The following ADARB2 variants were observed in gnomAD, a reference collection of about 807,000 sequenced individuals.
ADARB2 encodes adenosine deaminase RNA specific B2 (inactive), also known as inactive double-stranded RNA-specific editase B2.
Under a neutral mutation model 62.2 loss-of-function variants are expected in ADARB2, and 25 were observed. The ratio of observed to expected loss-of-function variants is 0.40; its 90% CI spans 0.29 to 0.56. The LOEUF is 0.56. Ranked by LOEUF, ADARB2 falls within the 20% of genes least tolerant of loss-of-function variation. The pLI is 0.43. For missense variants in ADARB2, 1,071 were observed against 1,077.4 expected (o/e 0.99, Z 0.08); for synonymous variants, 572 against 500.8 (o/e 1.14, Z -1.90).
chr10:1,559,996 A>G (rs74121065), intron 1 of ADARB2, among the ~76,000 whole-genome samples: 37,348 of 152,092 alleles, frequency 0.25, 4,803 homozygotes, highest in African/African-American at 0.29. Flanking sequence ...CGTGGACGGC[A>G]GGTGAAAACT....
intron 1 of ADARB2, among the ~76,000 whole-genome samples, chr10:1,482,723 C>G (rs758034118): frequency 6.6e-6 from 1 of 152,164 alleles, no homozygotes; most frequent in Non-Finnish European, 1.5e-5. Flanking sequence ...AAAGCTGTCT[C>G]ACGATATTCT....
intron 7 of ADARB2, among the ~76,000 whole-genome samples, chr10:1,206,596 G>C (rs1336893430): frequency 1.3e-5 from 2 of 152,216 alleles, no homozygotes; most frequent in Non-Finnish European, 2.9e-5. Flanking sequence ...TGGTTCTGGG[G>C]ACAGAGGACA....
At chr10:1,722,740 A>G (rs558572885) in intron 1 of ADARB2, among the ~76,000 whole-genome samples, 17 of 152,326 alleles carry the variant, frequency 1.1e-4, no homozygotes, top group African/African-American at 4.1e-4. Context: ...GCTGTGATTA[A>G]TAATTATTTT....
At chr10:1,347,163 C>A (rs1282599410) in intron 3 of ADARB2, among the ~76,000 whole-genome samples, 1 of 152,242 alleles carries the variant, frequency 6.6e-6, no homozygotes, top group Admixed American at 6.5e-5. Context: ...CGCACGCCAG[C>A]CCTCAACGTG....
At chr10:1,599,615 C>T (rs1833382109) in intron 1 of ADARB2, among the ~76,000 whole-genome samples, 1 of 152,232 alleles carries the variant, frequency 6.6e-6, no homozygotes, top group Non-Finnish European at 1.5e-5. Context: ...ATGCAACCCT[C>T]CCAGTTGGAC....
chr10:1,583,894 G>A (rs1336711775), intron 1 of ADARB2, among the ~76,000 whole-genome samples: 1 of 152,188 alleles, frequency 6.6e-6, no homozygotes, highest in Non-Finnish European at 1.5e-5. Flanking sequence ...AGGGTTGATT[G>A]TTGACAGAGC....
chr10:1,453,454 G>A (rs552861066), intron 1 of ADARB2, among the ~76,000 whole-genome samples: 1 of 151,934 alleles, frequency 6.6e-6, no homozygotes, highest in Non-Finnish European at 1.5e-5. Context: ...GTAATGTAAG[G>A]GTTTAACGTC....
At chr10:1,584,948 G>C (rs1464902480) in intron 1 of ADARB2, among the ~76,000 whole-genome samples, 1 of 152,186 alleles carries the variant, frequency 6.6e-6, no homozygotes, top group Non-Finnish European at 1.5e-5. Flanking sequence ...AGGGTTTGGA[G>C]GAGGGGGAGG....
At position 1,363,118 on chromosome 10, in the gene ADARB2, A is replaced by G; in HGVS notation, c.987T>C (p.Gly329=). The G allele has an allele frequency of 6.5e-7, 1 of 1,537,150 alleles. No homozygotes were observed. Among genetic ancestry groups the G allele is most frequent in the Non-Finnish European group, 8.7e-7 (1 of 1,150,618 alleles). The change falls in exon 3 of 10, where the codon GGT becomes GGC. Residue 329 remains glycine, a synonymous_variant. Coordinates refer to ENST00000381312, the MANE Select transcript of ADARB2 (RefSeq NM_018702.4). ...CCTGCAGTGCGGCCTGCGCGGCCTG[A>G]CCCCGGGCCAGCTTCTTGCTGCGCC... ...GSGRSKKLAR[G]QAAQAALQEL...
At chr10:1,222,213 T>C (rs950555045) in intron 6 of ADARB2, among the ~76,000 whole-genome samples, 4 of 152,214 alleles carry the variant, frequency 2.6e-5, no homozygotes, top group African/African-American at 9.6e-5. Context: ...CATAAATGTC[T>C]TTTTTTGAGA....
At chr10:1,640,697 T>C (rs1051872169) in intron 1 of ADARB2, among the ~76,000 whole-genome samples, 1 of 152,172 alleles carries the variant, frequency 6.6e-6, no homozygotes, top group Non-Finnish European at 1.5e-5. Flanking sequence ...TAAATGTCTA[T>C]ACACTATAAA....
intron 1 of ADARB2, among the ~76,000 whole-genome samples, chr10:1,451,660 C>T (rs199853531): frequency 0.13 from 5,146 of 38,258 alleles, 149 homozygotes; most frequent in South Asian, 0.24. Flanking sequence ...GAAGGGGACA[C>T]ACCTGTATAA....
intron 1 of ADARB2, among the ~76,000 whole-genome samples, chr10:1,620,294 G>A (rs1833690798): frequency 6.6e-6 from 1 of 151,998 alleles, no homozygotes; most frequent in Non-Finnish European, 1.5e-5. Flanking sequence ...AGAAATGAAA[G>A]AAGAAACATT....
At chr10:1,653,604 C>T (rs1209969597) in intron 1 of ADARB2, among the ~76,000 whole-genome samples, 1 of 148,390 alleles carries the variant, frequency 6.7e-6, no homozygotes, top group Non-Finnish European at 1.5e-5. Flanking sequence ...CAGTCTCCAC[C>T]CAACGCCTTC....
chr10:1,305,861 G>T (rs1009318313), intron 3 of ADARB2, among the ~76,000 whole-genome samples: 1 of 151,628 alleles, frequency 6.6e-6, no homozygotes, highest in Non-Finnish European at 1.5e-5. Flanking sequence ...AACCCTTCAT[G>T]CTAAAAACTC....
At position 1,737,121 on chromosome 10, in the gene ADARB2, C is replaced by A. The variant is rs775756758; in HGVS notation, c.30G>T (p.Gly10=). The A allele has an allele frequency of 1.9e-6, 3 of 1,610,350 alleles. No homozygotes were observed. In the South Asian group the frequency reaches 3.3e-5, roughly 18 times the overall value. The change falls in exon 1 of 10, where the codon GGG becomes GGT. Residue 10 remains glycine, a synonymous_variant. Transcript: ENST00000381312. ...TGAGTTGACTGCTCAGCCCTCCAGA[C>A]CCTCTGCCGCTCCCCAGGACCGAGG... is the stretch of plus-strand genomic sequence containing the variant. The part of the protein sequence containing the change: MASVLGSGR[G]SGGLSSQLKC...
intron 1 of ADARB2, among the ~76,000 whole-genome samples, chr10:1,640,386 CAAAT>C (rs1833966486): frequency 6.6e-6 from 1 of 152,276 alleles, no homozygotes; most frequent in South Asian, 2.1e-4. Flanking sequence ...AAGAAAGTGA[CAAAT>C]AAACAGAACT....
chr10:1,470,435 C>T (rs1233131393), intron 1 of ADARB2, among the ~76,000 whole-genome samples: 2 of 152,198 alleles, frequency 1.3e-5, no homozygotes, highest in East Asian at 3.9e-4. Context: ...ACAATGGCAT[C>T]CCACGAAATC....
intron 1 of ADARB2, among the ~76,000 whole-genome samples, chr10:1,710,335 G>A (rs1166370753): frequency 6.6e-6 from 1 of 152,210 alleles, no homozygotes; most frequent in African/African-American, 2.4e-5. Context: ...ATCAGAGGCT[G>A]GGGCCTTGTG....
Sources: allele counts gnomAD v4.1 joint callset (sites outside exome capture counted in the v4.1 genomes callset), GRCh38; gene constraint gnomAD v4.1.1; transcripts MANE v1.5; gene names NCBI Gene and HGNC (gene_info 2026-07-23, HGNC 2026-07-21).